P4HA3: variants seen among roughly 807,000 people sequenced by gnomAD.
P4HA3 encodes prolyl 4-hydroxylase subunit alpha 3, also known as prolyl 4-hydroxylase subunit alpha-3.
A neutral mutation model predicts 66.7 loss-of-function variants in P4HA3; 60 were observed. That is an observed-to-expected ratio of 0.90 (90% confidence interval 0.73 to 1.12). The LOEUF is 1.12. Among genes scored for constraint, P4HA3 ranks in the 50% most tolerant of loss-of-function variants. The pLI is 0.00. For missense variants in P4HA3, 683 were observed against 685.8 expected, an observed-to-expected ratio of 1.00 and a Z score of 0.05; for synonymous variants, 263 against 274.6, an observed-to-expected ratio of 0.96 and a Z score of 0.42.
At chr11:74,289,305 A>G (rs1440948321) in intron 4 of P4HA3, among the ~76,000 whole-genome samples, 175 bp from the exon 5 acceptor site, 1 of 152,112 alleles carries the variant, frequency 6.6e-6, no homozygotes, top group African/African-American at 2.4e-5. Context: ...GCCTCACTGC[A>G]AATCAGGTCT....
intron 4 of P4HA3, among the ~76,000 whole-genome samples, chr11:74,291,580 A>T (rs978241623): frequency 2.6e-5 from 4 of 152,098 alleles, no homozygotes; most frequent in African/African-American, 9.7e-5. Flanking sequence ...TTGGCTGTGG[A>T]TTTGTCATAG....
At chr11:74,251,506 G>A in intron 15 of P4HA3, 1 of 1,461,606 alleles carries the variant, frequency 6.8e-7, no homozygotes, top group Non-Finnish European at 9.0e-7. Context: ...GGAGGGCCTA[G>A]GTCCTTTTAA....
chr11:74,256,308 G>A (rs1403407405), intron 15 of P4HA3, among the ~76,000 whole-genome samples: 1 of 152,206 alleles, frequency 6.6e-6, no homozygotes, highest in African/African-American at 2.4e-5. Context: ...GGAGGAGGCT[G>A]AGAATGAATG....
chr11:74,252,675 C>A (rs1213231518), intron 15 of P4HA3: 1 of 366,828 alleles, frequency 2.7e-6, no homozygotes, highest in Non-Finnish European at 5.6e-6. Flanking sequence ...CACCTGATAA[C>A]AGTAGTACCC....
intron 9 of P4HA3, among the ~76,000 whole-genome samples, chr11:74,276,474 C>T (rs906330043): frequency 6.6e-6 from 1 of 151,930 alleles, no homozygotes; most frequent in African/African-American, 2.4e-5. Context: ...GATCACTTAG[C>T]CCAGGAGTTC....
intron 10 of P4HA3, among the ~76,000 whole-genome samples, 184 bp downstream of exon 10, chr11:74,273,361 T>C (rs1860271779): frequency 2.0e-5 from 3 of 152,186 alleles, no homozygotes; most frequent in Admixed American, 6.5e-5. Flanking sequence ...GGTAGAAACC[T>C]TGTCTTGTAT....
intron 15 of P4HA3, chr11:74,254,731 T>A (rs1859789973): frequency 6.5e-6 from 1 of 152,706 alleles, no homozygotes; most frequent in South Asian, 2.1e-4. Context: ...TGTGGAATTG[T>A]CCTTATTTCT....
At chr11:74,299,629 G>T (rs1179198012) in intron 3 of P4HA3, among the ~76,000 whole-genome samples, 1 of 129,918 alleles carries the variant, frequency 7.7e-6, no homozygotes, top group African/African-American at 2.9e-5. Context: ...CGGACACTTT[G>T]AATAAACTAT....
Position 74,298,354 on chromosome 11 carries a change from T to G in P4HA3, c.575A>C (p.Tyr192Ser). The change falls in exon 4 of 13, where the codon TAT becomes TCT. Residue 192 changes from tyrosine (Y) to serine (S), a missense_variant. Coordinates refer to ENST00000331597, the MANE Select transcript of P4HA3 (RefSeq NM_182904.5). ...GGCATGGTAATAATCCCCCATGTCA[T>G]AGGCCACCTACACAGAACACAAGTA... The part of the protein sequence containing the change: ...DDCFQVGKVA[Y>S]DMGDYYHAIP... 6.2e-7 allele frequency: 1 copy of G among 1,613,630 alleles called. No homozygotes were observed.
chr11:74,253,261 C>T (rs1220539756), intron 15 of P4HA3, among the ~76,000 whole-genome samples: 1 of 152,128 alleles, frequency 6.6e-6, no homozygotes, highest in African/African-American at 2.4e-5. Context: ...GACTTAATTT[C>T]TCTTACTAAA....
rs569129991 is a variant in P4HA3 at position 74,301,363 on chromosome 11, G to T, written c.567+1006C>A. Reference sequence around the variant, plus strand: ...AACATACGGTTTTACTTTCAGAAAGGCCTCACTAATATGTTAGTACCATAC... The same window carrying T: ...AACATACGGTTTTACTTTCAGAAAGTCCTCACTAATATGTTAGTACCATAC... On this transcript the variant is annotated intron_variant, in intron 3 of 12. Transcript: ENST00000331597. 1.6e-4 allele frequency among the ~76,000 whole-genome samples: 25 copies of T among 152,206 alleles called. No individual in the cohort carries two copies. The South Asian group carries it at 5.2e-3, about 32-fold the overall frequency.
In P4HA3 at chr11:74,311,497, G is replaced by T; in HGVS notation, c.115C>A (p.Arg39Ser). ...AGCCGGCGCTCGGGCGCCAGGGCGC[G>T]CGCCACGCTGGTCAGCGCCGAGAAC... ...DTFSALTSVA[R>S]ALAPERRLLG... The change falls in exon 1 of 13, where the codon CGC (arginine) becomes AGC (serine). Residue 39 changes from arginine (R) to serine (S), a missense_variant. Coordinates refer to ENST00000331597, the MANE Select transcript of P4HA3 (RefSeq NM_182904.5). 1 of 1,534,614 alleles carries T rather than the reference G, an allele frequency of 6.5e-7. No homozygotes were observed. Among genetic ancestry groups the T allele is most frequent in the Non-Finnish European group, 8.7e-7 (1 of 1,148,152 alleles).
At chr11:74,264,996 A>G (rs1859967631), downstream of P4HA3, among the ~76,000 whole-genome samples, 1 of 152,190 alleles carries the variant, frequency 6.6e-6, no homozygotes, top group African/African-American at 2.4e-5. Context: ...AGTCTGTGGC[A>G]CTCTCAACAA....
At chr11:74,251,672 C>T in intron 15 of P4HA3, 1 of 1,613,880 alleles carries the variant, frequency 6.2e-7, no homozygotes, top group Non-Finnish European at 8.5e-7. Context: ...TGCCACTTTC[C>T]TGATCCGGCA....
Position 74,289,104 on chromosome 11 carries a change from G to T in P4HA3, c.744C>A (p.Ser248Arg). The T allele has an allele frequency of 1.3e-6, 2 of 1,582,728 alleles. No individual in the cohort carries two copies. Among genetic ancestry groups the T allele is most frequent in the Non-Finnish European group, 1.7e-6 (2 of 1,166,578 alleles). Residue 248 changes from serine (S) to arginine (R), a missense_variant, in exon 5 of 13, where the codon AGC becomes AGA. Transcript: ENST00000331597. ...TGTAGAGAAGAAACTCCCGAGAGAG[G>T]CTGAGGGCACACGAAACATTTCCTG... ...FRAGNVSCAL[S>R]LSREFLLYSP...
At chr11:74,268,064 G>A in intron 12 of P4HA3, 81 bp downstream of exon 12, 1 of 1,216,454 alleles carries the variant, frequency 8.2e-7, no homozygotes, top group Non-Finnish European at 1.2e-6. Context: ...TGGGATGGCT[G>A]TGGTAGGTCC....
At chr11:74,298,507 A>G in intron 3 of P4HA3, 146 bp from the exon 4 acceptor site, 2 of 938,972 alleles carry the variant, frequency 2.1e-6, no homozygotes, top group Non-Finnish European at 3.2e-6. Context: ...TTAAGCATCT[A>G]CTATATACAA....
At chr11:74,278,290 T>C (rs1054523670) in intron 8 of P4HA3, among the ~76,000 whole-genome samples, 4 of 152,090 alleles carry the variant, frequency 2.6e-5, no homozygotes, top group African/African-American at 9.7e-5. Context: ...CAATAAATTA[T>C]GAATAAGGAG....
At chr11:74,271,256 C>T (rs1055688562) in intron 10 of P4HA3, among the ~76,000 whole-genome samples, 2 of 152,110 alleles carry the variant, frequency 1.3e-5, no homozygotes, top group African/African-American at 4.8e-5. Flanking sequence ...CTGGGAAAGC[C>T]GATGAGAACA....
Sources: allele counts gnomAD v4.1 joint callset (sites outside exome capture counted in the v4.1 genomes callset), GRCh38; gene constraint gnomAD v4.1.1; transcripts MANE v1.5; gene names NCBI Gene and HGNC (gene_info 2026-07-23, HGNC 2026-07-21).